PTPRD: variants seen among roughly 807,000 people sequenced by gnomAD.
PTPRD encodes receptor-type tyrosine-protein phosphatase delta.
In PTPRD, 34 loss-of-function variants were observed where a neutral mutation model predicts 214.5. The observed-to-expected ratio is 0.16, with a 90% CI of 0.12 to 0.21. The LOEUF (loss-of-function observed/expected upper bound fraction) is 0.21, where lower values mean the gene tolerates loss of function less well. Ranked by LOEUF, PTPRD falls within the 10% of genes least tolerant of loss-of-function variation. PTPRD has a pLI of 1.00. For synonymous variants in PTPRD, 1,128 were observed against 845.7 expected, an observed-to-expected ratio of 1.33 and a Z score of -5.79; for missense variants, 2,545 against 2,398.7, an observed-to-expected ratio of 1.06 and a Z score of -1.27.
chr9:9,739,764 G>A (rs961851558), intron 6 of PTPRD, among the ~76,000 whole-genome samples: 2 of 151,604 alleles, frequency 1.3e-5, no homozygotes, highest in African/African-American at 2.4e-5. Flanking sequence ...TATGTGCTGG[G>A]TCCTTCCTAA....
intron 5 of PTPRD, among the ~76,000 whole-genome samples, chr9:9,905,630 T>C (rs1201215875): frequency 6.6e-6 from 1 of 151,980 alleles, no homozygotes; most frequent in Non-Finnish European, 1.5e-5. Context: ...ACAAATGACA[T>C]GCTATAAAAC....
At chr9:10,396,488 T>A (rs2098172934) in intron 2 of PTPRD, among the ~76,000 whole-genome samples, 1 of 152,008 alleles carries the variant, frequency 6.6e-6, no homozygotes, top group Admixed American at 6.6e-5. Flanking sequence ...CCTTTCTTTT[T>A]CTTCTCCCCC....
chr9:9,026,151 T>G (rs905793700), intron 10 of PTPRD, among the ~76,000 whole-genome samples: 3 of 151,500 alleles, frequency 2.0e-5, no homozygotes, highest in African/African-American at 4.9e-5. Context: ...GGCTGATAAT[T>G]TGAGCTGAGA....
At chr9:8,318,786 G>T (rs762498393) in intron 45 of PTPRD, among the ~76,000 whole-genome samples, 11 of 152,000 alleles carry the variant, frequency 7.2e-5, no homozygotes, top group Non-Finnish European at 1.6e-4. Context: ...TATCATATTG[G>T]AATAAATTGA....
intron 34 of PTPRD, among the ~76,000 whole-genome samples, chr9:8,447,350 G>C (rs1047390427): frequency 6.6e-6 from 1 of 152,012 alleles, no homozygotes; most frequent in Non-Finnish European, 1.5e-5. Flanking sequence ...TTTTAATTTT[G>C]TAAAGTCATT....
intron 2 of PTPRD, among the ~76,000 whole-genome samples, chr9:10,541,279 C>T (rs1293146614): frequency 6.6e-6 from 1 of 152,058 alleles, no homozygotes; most frequent in African/African-American, 2.4e-5. Flanking sequence ...AACAGGACAA[C>T]CAAAAGGAAA....
intron 14 of PTPRD, among the ~76,000 whole-genome samples, chr9:8,622,629 C>G (rs2095857445): frequency 6.6e-6 from 1 of 151,900 alleles, no homozygotes; most frequent in Non-Finnish European, 1.5e-5. Flanking sequence ...ATTCCCAACA[C>G]TTAGCACACT....
At chr9:10,083,631 C>T (rs1205285340) in intron 3 of PTPRD, among the ~76,000 whole-genome samples, 1 of 151,916 alleles carries the variant, frequency 6.6e-6, no homozygotes, top group Non-Finnish European at 1.5e-5. Context: ...GCCCTCACAG[C>T]CAACAGTAAT....
chr9:10,152,586 G>T (rs2099068064), intron 3 of PTPRD, among the ~76,000 whole-genome samples: 1 of 152,184 alleles, frequency 6.6e-6, no homozygotes, highest in Non-Finnish European at 1.5e-5. Context: ...AGCACTTTGG[G>T]AGGCCGAGGT....
intron 2 of PTPRD, among the ~76,000 whole-genome samples, chr9:10,591,449 A>G (rs1183500799): frequency 6.6e-6 from 1 of 152,072 alleles, no homozygotes; most frequent in East Asian, 1.9e-4. Context: ...GGAGATGTGA[A>G]CACAGGATGA....
chr9:9,293,844 A>C (rs1391471799), intron 9 of PTPRD, among the ~76,000 whole-genome samples: 4 of 151,636 alleles, frequency 2.6e-5, no homozygotes, highest in Non-Finnish European at 5.9e-5. Context: ...AATTAACACT[A>C]ATTTCCTTTT....
chr9:10,601,734 T>C (rs1000347372), intron 2 of PTPRD, among the ~76,000 whole-genome samples: 1 of 151,758 alleles, frequency 6.6e-6, no homozygotes, highest in African/African-American at 2.4e-5. Context: ...TCCAAGCTTT[T>C]CAGCGACAGA....
At chr9:9,794,341 A>T (rs1486671584) in intron 5 of PTPRD, among the ~76,000 whole-genome samples, 1 of 151,974 alleles carries the variant, frequency 6.6e-6, no homozygotes, top group Non-Finnish European at 1.5e-5. Flanking sequence ...GCCTTAAAGG[A>T]TGCTTAGATT....
chr9:9,847,606 C>T (rs1260884776), intron 5 of PTPRD, among the ~76,000 whole-genome samples: 1 of 152,100 alleles, frequency 6.6e-6, no homozygotes, highest in African/African-American at 2.4e-5. Flanking sequence ...CAAAACAAAC[C>T]TTACTAGTTA....
At chr9:10,492,559 T>G (rs2040665758) in intron 2 of PTPRD, among the ~76,000 whole-genome samples, 1 of 152,276 alleles carries the variant, frequency 6.6e-6, no homozygotes, top group African/African-American at 2.4e-5. Context: ...TTGATGGGGT[T>G]ATTTGTCTTT....
At chr9:9,689,657 T>C (rs2097230203) in intron 7 of PTPRD, among the ~76,000 whole-genome samples, 1 of 151,930 alleles carries the variant, frequency 6.6e-6, no homozygotes, top group Non-Finnish European at 1.5e-5. Flanking sequence ...CTACTCTTCA[T>C]GGCCTCTGCT....
At chr9:10,369,112 G>C (rs891535782) in intron 2 of PTPRD, among the ~76,000 whole-genome samples, 7 of 152,008 alleles carry the variant, frequency 4.6e-5, no homozygotes, top group Admixed American at 3.9e-4. Context: ...GAAGTCAAAA[G>C]ATGTATAGAC....
chr9:10,332,885 G>T (rs1399703294), intron 3 of PTPRD, among the ~76,000 whole-genome samples: 2 of 151,764 alleles, frequency 1.3e-5, no homozygotes, highest in African/African-American at 4.8e-5. Context: ...CCTAACTTTT[G>T]ATTTCCCTTT....
chr9:10,486,218 TC>T (rs746574848), intron 2 of PTPRD, among the ~76,000 whole-genome samples: 2 of 152,276 alleles, frequency 1.3e-5, no homozygotes, highest in Non-Finnish European at 2.9e-5. Flanking sequence ...TGGCTTTTGT[TC>T]CAATTGTTTC....
Sources: allele counts gnomAD v4.1 joint callset (sites outside exome capture counted in the v4.1 genomes callset), GRCh38; gene constraint gnomAD v4.1.1; transcripts MANE v1.5; gene names NCBI Gene and HGNC (gene_info 2026-07-23, HGNC 2026-07-21).